The following PDE2A variants were observed in gnomAD, a reference collection of about 807,000 sequenced individuals.
PDE2A encodes cGMP-dependent 3',5'-cyclic phosphodiesterase.
PDE2A carries 53 observed loss-of-function variants against 133.6 expected under a neutral mutation model. The observed-to-expected ratio is 0.40, with a 90% CI of 0.32 to 0.50. PDE2A has a LOEUF of 0.50. Ranked by LOEUF, PDE2A falls within the 20% of genes least tolerant of loss-of-function variation. PDE2A has a pLI of 0.73. For missense variants in PDE2A, 796 were observed against 1,232.4 expected, an observed-to-expected ratio of 0.65 and a Z score of 5.30; for synonymous variants, 491 against 490.2, an observed-to-expected ratio of 1.00 and a Z score of -0.02.
intron 4 of PDE2A, among the ~76,000 whole-genome samples, chr11:72,603,937 G>A (rs1296133415): frequency 6.6e-6 from 1 of 152,218 alleles, no homozygotes; most frequent in Non-Finnish European, 1.5e-5. Flanking sequence ...AGGACCATGA[G>A]TCCAGCATCC....
chr11:72,665,344 C>T (rs1043567207), intron 1 of PDE2A, among the ~76,000 whole-genome samples: 1 of 152,098 alleles, frequency 6.6e-6, no homozygotes, highest in Non-Finnish European at 1.5e-5. Context: ...ACAGCAGAGC[C>T]GCCTCGGACT....
Position 72,576,154 on chromosome 11 carries a change from TA to T in PDE2A, c.*1229del, listed in dbSNP as rs1855467098. The T allele has an allele frequency of 6.6e-6, 1 of 150,802 alleles. No individual in the cohort carries two copies. The highest frequency in any genetic ancestry group is 2.0e-4 in the East Asian group (1 of 5,092). The allele number at this position is 150,802 out of a possible 1,614,324, so 9.3% of individuals were successfully genotyped here. A position where few individuals can be genotyped will look rare whatever the true frequency, so the allele number is the denominator to read the frequency against. ...ATGGGGGAGGACTGGTAGAAAGAAA[TA>T]GATTTATTCTCATGTACAAAGCGGT... On this transcript the variant is annotated 3_prime_UTR_variant, in exon 31 of 31. Transcript: ENST00000334456.
intron 1 of PDE2A, chr11:72,642,581 A>C: frequency 5.4e-6 from 1 of 186,770 alleles, no homozygotes; most frequent in Non-Finnish European, 9.9e-6. Flanking sequence ...ACCCCACCGG[A>C]CACCCGGCCG....
In PDE2A at chr11:72,590,523, G is replaced by A; in HGVS notation, c.607C>T (p.Pro203Ser). Reference protein sequence around the residue: ...VLQQRGPREAPRAVQNPPEGT... With the variant: ...VLQQRGPREASRAVQNPPEGT... Reference sequence around the variant, plus strand: ...TCCGGGGGGTTCTGGACGGCTCGGGGAGCCTCCCTGGGCCCGCGCTGCTGC... The same window carrying A: ...TCCGGGGGGTTCTGGACGGCTCGGGAAGCCTCCCTGGGCCCGCGCTGCTGC... Residue 203 changes from proline (P) to serine (S), a missense_variant, in exon 8 of 31, where the codon CCC becomes TCC. Transcript: ENST00000334456. The surrounding 1 kb of genome is among the most constrained non-coding windows in gnomAD (Gnocchi z 4.8). 6.8e-7 allele frequency: 1 copy of A among 1,463,152 alleles called. No homozygotes were observed. Among genetic ancestry groups the A allele is most frequent in the Non-Finnish European group, 9.0e-7 (1 of 1,113,338 alleles). 90.6% of individuals were successfully genotyped at this position (1,463,152 alleles called of 1,614,324 possible).
chr11:72,601,360 C>A (rs1246469490), intron 4 of PDE2A, among the ~76,000 whole-genome samples: 1 of 132,042 alleles, frequency 7.6e-6, no homozygotes, highest in African/African-American at 3.4e-5. Flanking sequence ...CTCACTGAGC[C>A]CCCAGGACCT....
intron 13 of PDE2A, among the ~76,000 whole-genome samples, chr11:72,586,913 G>A (rs759688544): frequency 7.2e-5 from 11 of 152,160 alleles, no homozygotes; most frequent in East Asian, 1.9e-4. Flanking sequence ...CCAGTGATTC[G>A]GATCTAGATC....
intron 4 of PDE2A, among the ~76,000 whole-genome samples, chr11:72,603,133 T>C (rs1009876098): frequency 1.3e-5 from 2 of 152,216 alleles, no homozygotes; most frequent in African/African-American, 4.8e-5. Context: ...ATGATGGGTA[T>C]GTCCCCTGGG....
chr11:72,581,878 G>C lies in PDE2A; in HGVS notation c.1921C>G (p.Arg641Gly). 2 of 1,613,712 alleles carry C rather than the reference G, an allele frequency of 1.2e-6. No individual in the cohort carries two copies. Among genetic ancestry groups the C allele is most frequent in the Non-Finnish European group, 1.7e-6 (2 of 1,179,700 alleles). Reference protein sequence around the residue: ...NYKIDCPTLARFCLMVKKGYR... With the variant: ...NYKIDCPTLAGFCLMVKKGYR... ...GGGGCTGTCTGTGGGCGCACGAACC[G>C]GGCCAGGGTCGGGCAGTCAATTTTG... is the stretch of plus-strand genomic sequence containing the variant. The change falls in exon 22 of 31, where the codon CGG becomes GGG. Residue 641 changes from arginine to glycine, a missense_variant and splice_region_variant. By Grantham distance (125) the Arg-to-Gly change is moderately radical (BLOSUM62 -2). Around this residue, in one of 7 missense-constraint regions of PDE2A, gnomAD observed 218 missense variants for 465.9 expected, o/e 0.47. Transcript: ENST00000334456.
intron 4 of PDE2A, among the ~76,000 whole-genome samples, chr11:72,603,288 CTT>C (rs33965768): frequency 0.39 from 59,170 of 151,140 alleles, 13,093 homozygotes; most frequent in African/African-American, 0.63. Context: ...CTTTTAATTG[CTT>C]TTTTTTTTGG....
rs1437182946 is a variant in PDE2A, at chr11:72,585,012, G to A, written c.1287-68C>T. 6.0e-6 allele frequency: 9 copies of A among 1,488,848 alleles called. No individual in the cohort carries two copies. In the East Asian group the frequency reaches 1.8e-4, roughly 30 times the overall value. 92.2% of individuals were successfully genotyped at this position (1,488,848 alleles called of 1,614,324 possible). ...CTCTGATCGCCCTCACGTCCCATAAGGAGGCAAAGGCCGGATTTCCGAGGC... is the reference window on the plus strand; with the variant it reads ...CTCTGATCGCCCTCACGTCCCATAAAGAGGCAAAGGCCGGATTTCCGAGGC... On this transcript the variant is annotated intron_variant, in intron 16 of 30. Transcript: ENST00000334456.
Position 72,623,545 on chromosome 11 carries a change from C to A in PDE2A, c.145-14794G>T, listed in dbSNP as rs151310478. 2.5e-4 allele frequency among the ~76,000 whole-genome samples: 38 copies of A among 152,266 alleles called. No individual in the cohort carries two copies. In the East Asian group the frequency reaches 4.2e-3, roughly 17 times the overall value. On this transcript the variant is annotated intron_variant, in intron 2 of 30. Transcript: ENST00000334456. ...ACTCCCAGATGTATCCCTAGCCTGGCCCCGCTGCCCACTGCACACCTTCAC... is the reference window on the plus strand; with the variant it reads ...ACTCCCAGATGTATCCCTAGCCTGGACCCGCTGCCCACTGCACACCTTCAC...
chr11:72,648,117 C>A (rs1055243039), intron 1 of PDE2A, among the ~76,000 whole-genome samples: 9 of 152,252 alleles, frequency 5.9e-5, no homozygotes, highest in African/African-American at 2.2e-4. Flanking sequence ...ATGCTCTAGC[C>A]CAGGTCAGAG....
At chr11:72,603,136 C>A (rs1208103479) in intron 4 of PDE2A, among the ~76,000 whole-genome samples, 2 of 152,188 alleles carry the variant, frequency 1.3e-5, no homozygotes, top group South Asian at 4.1e-4. Context: ...ATGGGTATGT[C>A]CCCTGGGAGG....
At chr11:72,583,616 T>G in intron 19 of PDE2A, 101 bp from the exon 20 acceptor site, 1 of 783,104 alleles carries the variant, frequency 1.3e-6, no homozygotes, top group Non-Finnish European at 2.3e-6. Context: ...CCCCACTTCC[T>G]GTCCCATTCT....
intron 20 of PDE2A, 128 bp from the exon 21 acceptor site, chr11:72,582,694 G>T (rs1855778362): frequency 3.4e-6 from 3 of 885,482 alleles, no homozygotes; most frequent in Non-Finnish European, 5.1e-6. Context: ...CCACGCTGTG[G>T]ACTGTAACTG....
chr11:72,606,320 G>A (rs1283379199), intron 3 of PDE2A, among the ~76,000 whole-genome samples: 1 of 152,130 alleles, frequency 6.6e-6, no homozygotes, highest in East Asian at 1.9e-4. Flanking sequence ...GAGGGCTTTG[G>A]GAGGAGCTGA....
intron 2 of PDE2A, among the ~76,000 whole-genome samples, chr11:72,641,723 T>G (rs1165152386): frequency 6.6e-6 from 1 of 151,958 alleles, no homozygotes; most frequent in Non-Finnish European, 1.5e-5. Flanking sequence ...AAGGAGAGAT[T>G]TGGACTCTGG....
rs761245734 is a variant in PDE2A at position 72,673,421 on chromosome 11, A to ACACACACC, written c.71+715_71+716insGGTGTGTG. ...TATACACACACACACACACACACATACCCTGCCTACCACCTCGGCAGCCCT... is the reference window on the plus strand; with the variant it reads ...TATACACACACACACACACACACATACACACACCCCCTGCCTACCACCTCGGCAGCCCT... On this transcript the variant is annotated intron_variant, in intron 1 of 30. Transcript: ENST00000334456. Among the ~76,000 whole-genome samples, 925 of 147,614 alleles carry ACACACACC rather than the reference A, an allele frequency of 6.3e-3. 10 individuals carry two copies. Among genetic ancestry groups the ACACACACC allele is most frequent in the African/African-American group, 0.023 (878 of 38,866 alleles).
intron 16 of PDE2A, 109 bp downstream of exon 16, chr11:72,585,261 TG>T: frequency 1.1e-6 from 1 of 897,528 alleles, no homozygotes; most frequent in Non-Finnish European, 1.8e-6. Context: ...CAAAAGGTGA[TG>T]AAGTCCCGCA....
Sources: allele counts gnomAD v4.1 joint callset (sites outside exome capture counted in the v4.1 genomes callset), GRCh38; gene constraint gnomAD v4.1.1; regional missense constraint gnomAD v4.1.1; non-coding constraint Gnocchi (gnomAD v3.1); transcripts MANE v1.5; gene names NCBI Gene and HGNC (gene_info 2026-07-23, HGNC 2026-07-21).